The following SCOC variants were observed in gnomAD, a reference collection of about 807,000 sequenced individuals.
The protein encoded by SCOC is short coiled-coil protein, also known as short coiled coil protein.
A neutral mutation model predicts 9.9 loss-of-function variants in SCOC; 7 were observed. That is an observed-to-expected ratio of 0.71 (90% CI 0.40 to 1.33). The LOEUF (loss-of-function observed/expected upper bound fraction) is 1.33, where lower values mean the gene tolerates loss of function less well. SCOC is among the 40% of genes most tolerant of loss of function. The probability of loss-of-function intolerance (pLI) is 0.01; values close to 1 mark genes in which losing one functional copy is unlikely to be tolerated. For missense variants in SCOC, 66 were observed against 89.7 expected (o/e 0.74, Z 1.07); for synonymous variants, 19 against 28.2 (o/e 0.67, Z 1.03).
intron 1 of SCOC, among the ~76,000 whole-genome samples, chr4:140,288,466 TC>T (rs1190812868): frequency 5.4e-5 from 8 of 149,022 alleles, no homozygotes; most frequent in Admixed American, 6.7e-5. Flanking sequence ...CATAACGCAA[TC>T]CTATACACTA....
Position 140,267,967 on chromosome 4 carries a change from G to A in SCOC, c.-19+10557G>A, listed in dbSNP as rs920788777. On this transcript the variant is annotated intron_variant, in intron 1 of 4. Transcript: ENST00000394205. ...AGCTGCTAAGGACCGGCCTGGGGAC[G>A]CCTTGCTGAAAGAGGTTTGTAGGGA... 6.6e-5 allele frequency among the ~76,000 whole-genome samples: 10 copies of A among 152,294 alleles called. No individual in the cohort carries two copies. In the South Asian group the frequency reaches 2.1e-3, roughly 32 times the overall value.
chr4:140,365,169 T>A (rs1467476703), intron 2 of SCOC, among the ~76,000 whole-genome samples: 1 of 44,684 alleles, frequency 2.2e-5, no homozygotes. Flanking sequence ...GATATGGATA[T>A]GGCAAAAAAA....
At chr4:140,323,677 C>T (rs1256777688) in intron 1 of SCOC, among the ~76,000 whole-genome samples, 1 of 152,142 alleles carries the variant, frequency 6.6e-6, no homozygotes, top group Non-Finnish European at 1.5e-5. Context: ...TACCACAACT[C>T]ACTTAAGAAA....
At chr4:140,279,174 A>T (rs182617570) in intron 1 of SCOC, among the ~76,000 whole-genome samples, 1 of 152,188 alleles carries the variant, frequency 6.6e-6, no homozygotes, top group East Asian at 1.9e-4. Context: ...CTCATTCTCC[A>T]CTGTGTTTAG....
intron 2 of SCOC, among the ~76,000 whole-genome samples, chr4:140,368,607 T>C (rs914880755): frequency 2.6e-5 from 4 of 152,216 alleles, no homozygotes; most frequent in African/African-American, 7.2e-5. Flanking sequence ...AAACAGTCTC[T>C]GGTCTGTTCC....
chr4:140,359,056 G>A (rs1452327154), intron 2 of SCOC, among the ~76,000 whole-genome samples: 1 of 152,176 alleles, frequency 6.6e-6, no homozygotes, highest in Non-Finnish European at 1.5e-5. Flanking sequence ...TATTTGTTCT[G>A]TATATTATGG....
At chr4:140,326,355 G>A (rs72714299) in intron 1 of SCOC, among the ~76,000 whole-genome samples, 15,372 of 151,952 alleles carry the variant, frequency 0.1, 1,019 homozygotes, top group South Asian at 0.21. Context: ...AAAAATCAAC[G>A]AGGATGTTTA....
intron 1 of SCOC, among the ~76,000 whole-genome samples, chr4:140,277,183 A>G (rs1173320604): frequency 6.6e-6 from 1 of 152,200 alleles, no homozygotes; most frequent in Non-Finnish European, 1.5e-5. Flanking sequence ...GTGAGCTTAA[A>G]GAGACAGAGC....
At chr4:140,260,909 A>C (rs1213582690) in intron 1 of SCOC, among the ~76,000 whole-genome samples, 1 of 152,216 alleles carries the variant, frequency 6.6e-6, no homozygotes, top group Non-Finnish European at 1.5e-5. Context: ...ATTAAAAAAC[A>C]GCTGATTAAT....
intron 2 of SCOC, among the ~76,000 whole-genome samples, chr4:140,357,808 C>T (rs1034453250): frequency 2.6e-5 from 4 of 152,142 alleles, no homozygotes; most frequent in Admixed American, 6.5e-5. Flanking sequence ...GTATTATTTT[C>T]GTCATTCTAA....
intron 1 of SCOC, among the ~76,000 whole-genome samples, chr4:140,262,833 G>GAC: frequency 6.6e-6 from 1 of 151,884 alleles, no homozygotes; most frequent in African/African-American, 2.4e-5. Flanking sequence ...GAGAGAGAGA[G>GAC]AGTGAAGGGG....
intron 1 of SCOC, among the ~76,000 whole-genome samples, chr4:140,308,871 G>A (rs1435831440): frequency 6.6e-6 from 1 of 152,156 alleles, no homozygotes. Flanking sequence ...TCACTGATGA[G>A]ATGCCCTCTT....
chr4:140,273,023 G>C (rs1730884006), intron 1 of SCOC, among the ~76,000 whole-genome samples: 1 of 152,174 alleles, frequency 6.6e-6, no homozygotes, highest in South Asian at 2.1e-4. Flanking sequence ...CAGCTCTTCT[G>C]AGCTACAGAA....
intron 2 of SCOC, 79 bp downstream of exon 2, chr4:140,379,271 G>A: frequency 1.0e-6 from 1 of 965,034 alleles, no homozygotes; most frequent in Non-Finnish European, 1.7e-6. Context: ...AAAGGGCAGA[G>A]AAACCATGTT....
intron 1 of SCOC, among the ~76,000 whole-genome samples, chr4:140,270,611 C>G (rs1730822019): frequency 1.3e-5 from 2 of 152,212 alleles, no homozygotes; most frequent in Admixed American, 1.3e-4. Flanking sequence ...GTCTACCCCT[C>G]ATTGCCTGCT....
chr4:140,259,264 G>A (rs1224271680), intron 1 of SCOC, among the ~76,000 whole-genome samples: 1 of 152,188 alleles, frequency 6.6e-6, no homozygotes, highest in Non-Finnish European at 1.5e-5. Context: ...GTTGGTCACT[G>A]AGTTTTGTTG....
chr4:140,334,507 C>T (rs1227138303), intron 1 of SCOC, among the ~76,000 whole-genome samples: 7 of 151,934 alleles, frequency 4.6e-5, no homozygotes, highest in Admixed American at 3.9e-4. Flanking sequence ...TCATTTAAAA[C>T]AGAATATAAT....
At chr4:140,285,565 AG>A (rs1292192769) in intron 1 of SCOC, among the ~76,000 whole-genome samples, 1 of 152,216 alleles carries the variant, frequency 6.6e-6, no homozygotes, top group African/African-American at 2.4e-5. Context: ...AAGCATCTCT[AG>A]ATTGTAACTT....
At chr4:140,279,057 T>A (rs1267758181) in intron 1 of SCOC, among the ~76,000 whole-genome samples, 7 of 152,088 alleles carry the variant, frequency 4.6e-5, no homozygotes, top group Non-Finnish European at 1.0e-4. Flanking sequence ...TCTCTCCCTG[T>A]TCCTCTGCAC....
Sources: allele counts gnomAD v4.1 joint callset (sites outside exome capture counted in the v4.1 genomes callset), GRCh38; gene constraint gnomAD v4.1.1; transcripts MANE v1.5; gene names NCBI Gene and HGNC (gene_info 2026-07-23, HGNC 2026-07-21).